Variants in HMGXB3 observed in about 807,000 individuals in gnomAD.
HMGXB3 encodes the protein HMG-box containing 3.
HMGXB3 carries 45 observed loss-of-function variants against 121.5 expected under a neutral mutation model. The observed-to-expected ratio is 0.37, with a 90% CI of 0.29 to 0.47. The LOEUF (loss-of-function observed/expected upper bound fraction) is 0.47, where lower values mean the gene tolerates loss of function less well. Ranked by LOEUF, HMGXB3 falls within the 20% of genes least tolerant of loss-of-function variation. The probability of loss-of-function intolerance (pLI) is 0.99; values close to 1 mark genes in which losing one functional copy is unlikely to be tolerated. For missense variants in HMGXB3, 1,376 were observed against 1,602.2 expected (o/e 0.86, Z 2.41); for synonymous variants, 590 against 624.1 (o/e 0.95, Z 0.81).
chr5:150,022,694 A>T (rs1169763094), intron 6 of HMGXB3, among the ~76,000 whole-genome samples: 1 of 152,152 alleles, frequency 6.6e-6, no homozygotes, highest in East Asian at 1.9e-4. Flanking sequence ...TCCTGCAGTA[A>T]ATAAGCTCTG....
chr5:150,025,374 T>C (rs1756203355), intron 7 of HMGXB3, among the ~76,000 whole-genome samples: 1 of 152,208 alleles, frequency 6.6e-6, no homozygotes. Flanking sequence ...CTGGTAACAA[T>C]TGTGCCCGCA....
chr5:150,022,914 G>A (rs1021383468), intron 6 of HMGXB3, among the ~76,000 whole-genome samples: 8 of 147,992 alleles, frequency 5.4e-5, no homozygotes, highest in Admixed American at 4.8e-4. Flanking sequence ...GGGGTCAAGT[G>A]ATCCTGCCAC....
At chr5:150,048,040 T>G (rs911821626) in intron 17 of HMGXB3, among the ~76,000 whole-genome samples, 12 of 152,252 alleles carry the variant, frequency 7.9e-5, no homozygotes, top group Non-Finnish European at 1.6e-4. Context: ...CTTTATATTT[T>G]GAGCTTCATT....
chr5:150,040,555 T>C (rs536073871), intron 13 of HMGXB3, among the ~76,000 whole-genome samples, 193 bp from the exon 14 acceptor site: 3 of 152,164 alleles, frequency 2.0e-5, no homozygotes, highest in Admixed American at 2.0e-4. Context: ...CTGTTTTGTT[T>C]TTTTGAGATG....
intron 12 of HMGXB3, 76 bp from the exon 13 acceptor site, chr5:150,037,324 G>T: frequency 7.4e-7 from 1 of 1,356,432 alleles, no homozygotes. Flanking sequence ...ATTTGCCATT[G>T]ATCACTGAGC....
rs1421271875 is a variant in HMGXB3 at position 150,010,586 on chromosome 5, T to C, written c.788T>C (p.Val263Ala). 1 of 1,551,042 alleles carries C rather than the reference T, an allele frequency of 6.4e-7. No homozygotes were observed. The highest frequency in any genetic ancestry group is 2.4e-5 in the East Asian group (1 of 40,914). Residue 263 changes from valine (V) to alanine (A), a missense_variant, in exon 4 of 20, where the codon GTA becomes GCA. By Grantham distance (64) the Val-to-Ala change is moderately conservative (BLOSUM62 0). Around this residue, in one of 2 missense-constraint regions of HMGXB3, gnomAD observed 1,116 missense variants for 1,369.0 expected, o/e 0.82. Coordinates refer to ENST00000502717, the MANE Select transcript of HMGXB3 (RefSeq NM_014983.3). Reference protein sequence around the residue: ...AVPHPQVGESVSVVTVMRDSS... With the variant: ...AVPHPQVGESASVVTVMRDSS... ...CCCCACCCCCAGGTTGGGGAGAGTG[T>C]ATCAGTGGTAACAGTCATGAGGGTA...
At chr5:150,018,795 T>G in intron 6 of HMGXB3, 98 bp downstream of exon 6, 1 of 1,160,720 alleles carries the variant, frequency 8.6e-7, no homozygotes, top group Non-Finnish European at 1.2e-6. Flanking sequence ...AACATTTGTT[T>G]TTACTGTCTG....
chr5:150,018,804 T>C, intron 6 of HMGXB3, 107 bp downstream of exon 6: 1 of 1,028,322 alleles, frequency 9.7e-7, no homozygotes, highest in Admixed American at 3.1e-5. Flanking sequence ...TTTTACTGTC[T>C]GACTATACAA....
intron 9 of HMGXB3, among the ~76,000 whole-genome samples, chr5:150,029,010 T>C (rs1329153098): frequency 6.6e-6 from 1 of 152,186 alleles, no homozygotes; most frequent in Non-Finnish European, 1.5e-5. Context: ...TTTAGCTTCC[T>C]TTTAAAAATG....
rs947253439 is a variant in HMGXB3, at chr5:150,051,844, A to T, written c.3531A>T (p.Leu1177=). ...TATRRIVHAG[L]QPNPGDPSAG... ...CGCGGCGCATCGTCCATGCAGGCCT[A>T]CAGCCCAATCCTGGTGACCCCAGTG... The change falls in exon 20 of 20, where the codon CTA becomes CTT. Residue 1177 remains leucine (L), a synonymous_variant. Transcript: ENST00000502717. 4 of 1,550,672 alleles carry T rather than the reference A, an allele frequency of 2.6e-6. No individual in the cohort carries two copies. The East Asian group carries it at 9.8e-5, about 38-fold the overall frequency.
intron 10 of HMGXB3, among the ~76,000 whole-genome samples, chr5:150,031,468 C>T (rs867902723): frequency 2.6e-5 from 4 of 152,342 alleles, no homozygotes; most frequent in South Asian, 2.1e-4. Context: ...TGCTAGCATG[C>T]CATATGCCAC....
intron 10 of HMGXB3, 140 bp downstream of exon 10, chr5:150,030,979 G>C (rs1287852315): frequency 6.5e-6 from 4 of 610,704 alleles, no homozygotes; most frequent in Non-Finnish European, 1.2e-5. Flanking sequence ...TAATGATGAA[G>C]ATCCCATCCC....
Position 150,024,295 on chromosome 5 carries a change from T to A in HMGXB3, c.1075T>A (p.Ser359Thr). ...AGCCAAAGTAAAAGTGGAATTGGCT[T>A]CTGGCGTCTCTTCCAAAGGCTCTGT... is the stretch of plus-strand genomic sequence containing the variant. ...KPAKVKVELA[S>T]GVSSKGSVVK... The change falls in exon 7 of 20, where the codon TCT becomes ACT. Residue 359 changes from serine to threonine, a missense_variant. Around this residue, in one of 2 missense-constraint regions of HMGXB3, gnomAD observed 1,116 missense variants for 1,369.0 expected, o/e 0.82. Transcript: ENST00000502717. 1 of 1,544,862 alleles carries A rather than the reference T, an allele frequency of 6.5e-7. No individual in the cohort carries two copies.
intron 6 of HMGXB3, among the ~76,000 whole-genome samples, chr5:150,021,134 G>A (rs1756082904): frequency 6.6e-6 from 1 of 152,170 alleles, no homozygotes; most frequent in African/African-American, 2.4e-5. Context: ...GACTTGCTAA[G>A]TCAGAATTTA....
chr5:150,014,294 A>G (rs1290718021), intron 5 of HMGXB3, among the ~76,000 whole-genome samples: 1 of 152,224 alleles, frequency 6.6e-6, no homozygotes, highest in Non-Finnish European at 1.5e-5. Context: ...CCAGGCACAT[A>G]TTGTTTTATG....
At chr5:150,025,890 G>A (rs1756217805) in intron 7 of HMGXB3, among the ~76,000 whole-genome samples, 1 of 151,334 alleles carries the variant, frequency 6.6e-6, no homozygotes, top group Admixed American at 6.6e-5. Flanking sequence ...GGCTGGAGTG[G>A]CGCCATCTCG....
chr5:150,018,125 G>T (rs538504589), intron 5 of HMGXB3, among the ~76,000 whole-genome samples: 1 of 152,318 alleles, frequency 6.6e-6, no homozygotes, highest in East Asian at 1.9e-4. Flanking sequence ...TGCATAGAAG[G>T]AATGTTGGGC....
At chr5:150,028,559 A>ATTT (rs55858256) in intron 9 of HMGXB3, among the ~76,000 whole-genome samples, 14 of 38,900 alleles carry the variant, frequency 3.6e-4, no homozygotes, top group East Asian at 1.5e-3. Flanking sequence ...ATATATATAT[A>ATTT]TTTTTTTTTT....
At chr5:150,049,416 C>CA (rs978983588) in intron 18 of HMGXB3, among the ~76,000 whole-genome samples, 1 of 151,692 alleles carries the variant, frequency 6.6e-6, no homozygotes. Context: ...GGAAACCCCC[C>CA]CCCTTAACAG....
Sources: allele counts gnomAD v4.1 joint callset (sites outside exome capture counted in the v4.1 genomes callset), GRCh38; gene constraint gnomAD v4.1.1; regional missense constraint gnomAD v4.1.1; transcripts MANE v1.5; gene names NCBI Gene and HGNC (gene_info 2026-07-23, HGNC 2026-07-21).